The following CALU variants were observed in gnomAD, a reference collection of about 807,000 sequenced individuals.
CALU encodes calumenin.
In CALU, 13 loss-of-function variants were observed where a neutral mutation model predicts 37.5. The observed-to-expected ratio is 0.35, with a 90% CI of 0.23 to 0.55. The LOEUF (loss-of-function observed/expected upper bound fraction) is 0.55, where lower values mean the gene tolerates loss of function less well. Among genes scored for constraint, CALU ranks in the 20% least tolerant of loss-of-function variants. The probability of loss-of-function intolerance (pLI) is 0.89; values close to 1 mark genes in which losing one functional copy is unlikely to be tolerated. For synonymous variants in CALU, 114 were observed against 133.8 expected (o/e 0.85, Z 1.02); for missense variants, 282 against 391.7 (o/e 0.72, Z 2.36).
intron 2 of CALU, among the ~76,000 whole-genome samples, chr7:128,749,826 G>T (rs1470166117): frequency 1.3e-5 from 2 of 152,226 alleles, no homozygotes; most frequent in African/African-American, 4.8e-5. Flanking sequence ...TTTGAAAGTA[G>T]ATAGATATGC....
rs756414740 is a variant in CALU at position 128,769,275 on chromosome 7, A to G, written c.*108A>G. On this transcript the variant is annotated 3_prime_UTR_variant, in exon 7 of 7. Transcript: ENST00000249364. The stretch of plus-strand genomic sequence containing the variant: ...ACTGTTACTACAAACTTTTTAAGAC[A>G]TGAAAAGGCGTAATGAAAACCATCC... 4 of 613,884 alleles carry G rather than the reference A, an allele frequency of 6.5e-6. No homozygotes were observed. The highest frequency in any genetic ancestry group is 8.6e-6 in the Non-Finnish European group (3 of 349,316). 38.0% of individuals were successfully genotyped at this position (613,884 alleles called of 1,614,324 possible).
At chr7:128,763,482 G>T (rs1427980215) in intron 5 of CALU, among the ~76,000 whole-genome samples, 1 of 152,182 alleles carries the variant, frequency 6.6e-6, no homozygotes, top group African/African-American at 2.4e-5. Flanking sequence ...AGTGAGCCGA[G>T]ATCGCGCCAC....
intron 1 of CALU, among the ~76,000 whole-genome samples, chr7:128,741,913 G>A: frequency 6.6e-6 from 1 of 152,184 alleles, no homozygotes; most frequent in African/African-American, 2.4e-5. Flanking sequence ...GTGCTGGGTT[G>A]CTTTGGTTAT....
chr7:128,765,958 T>C (rs1020826973), intron 5 of CALU, among the ~76,000 whole-genome samples: 4 of 152,172 alleles, frequency 2.6e-5, no homozygotes, highest in African/African-American at 7.2e-5. Context: ...TCAAAAATTA[T>C]GGGTTTTGTT....
intron 3 of CALU, among the ~76,000 whole-genome samples, chr7:128,756,370 T>G (rs1800884097): frequency 6.6e-6 from 1 of 152,206 alleles, no homozygotes; most frequent in African/African-American, 2.4e-5. Context: ...GTAATGGGTA[T>G]TTCTGCTGCC....
At position 128,773,026 on chromosome 7, in the gene CALU, T is replaced by C. The variant is rs527925248; in HGVS notation, c.*3859T>C. ...TTCAAATTAGTTTTGAGTCTACCTC[T>C]GGGATTGAGGAAACAATACCATCTG... On this transcript the variant is annotated 3_prime_UTR_variant, in exon 7 of 7. Transcript: ENST00000249364. Among the ~76,000 whole-genome samples, 31 of 152,356 alleles carry C rather than the reference T, an allele frequency of 2.0e-4. No homozygotes were observed. Among genetic ancestry groups the C allele is most frequent in the African/African-American group, 5.8e-4 (24 of 41,582 alleles).
chr7:128,765,860 A>G (rs1392005650), intron 5 of CALU, among the ~76,000 whole-genome samples: 1 of 152,242 alleles, frequency 6.6e-6, no homozygotes, highest in Non-Finnish European at 1.5e-5. Flanking sequence ...ACATTAGTAA[A>G]TAAGTTGATG....
intron 5 of CALU, among the ~76,000 whole-genome samples, chr7:128,766,870 T>A (rs189317291): frequency 6.6e-6 from 1 of 152,276 alleles, no homozygotes; most frequent in East Asian, 1.9e-4. Flanking sequence ...AGGGCAGTTG[T>A]GAAAGGGGGG....
At chr7:128,755,299 G>A (rs1021912685) in intron 3 of CALU, among the ~76,000 whole-genome samples, 4 of 104,044 alleles carry the variant, frequency 3.8e-5, no homozygotes, top group Admixed American at 1.5e-4. Context: ...GGGACAGAGC[G>A]AGCTCTGTCC....
intron 6 of CALU, among the ~76,000 whole-genome samples, chr7:128,768,731 G>A (rs546173453): frequency 3.3e-5 from 5 of 151,734 alleles, no homozygotes; most frequent in South Asian, 4.2e-4. Flanking sequence ...CCAGCTACTC[G>A]GGAGGCTGAG....
At chr7:128,754,534 T>C in intron 3 of CALU, 79 bp downstream of exon 3, 6 of 1,573,286 alleles carry the variant, frequency 3.8e-6, no homozygotes, top group Non-Finnish European at 5.2e-6. Context: ...TGTAGAATGA[T>C]TGTAGATAAA....
rs553976542 is a variant in CALU, at chr7:128,746,673, A to G, written c.-11-1900A>G. On this transcript the variant is annotated intron_variant, in intron 1 of 6. Transcript: ENST00000249364. ...TTCGCTATCACCCAGGCTTGTCTTAAACTCCCGGATGCAAGTGATCCGCCT... is the reference window on the plus strand; with the variant it reads ...TTCGCTATCACCCAGGCTTGTCTTAGACTCCCGGATGCAAGTGATCCGCCT... 7.2e-5 allele frequency among the ~76,000 whole-genome samples: 11 copies of G among 151,950 alleles called. No homozygotes were observed. The South Asian group carries it at 2.3e-3, about 32-fold the overall frequency.
chr7:128,764,846 C>T (rs1196422895), intron 5 of CALU, among the ~76,000 whole-genome samples: 1 of 151,728 alleles, frequency 6.6e-6, no homozygotes, highest in Non-Finnish European at 1.5e-5. Flanking sequence ...TCAGTCACCA[C>T]ATGATATTGT....
chr7:128,749,122 C>T (rs1216635007), intron 2 of CALU, among the ~76,000 whole-genome samples: 1 of 152,218 alleles, frequency 6.6e-6, no homozygotes, highest in East Asian at 1.9e-4. Context: ...CATCTCTTCT[C>T]ATCTCTACTG....
chr7:128,760,098 T>C (rs1801046865), intron 5 of CALU, among the ~76,000 whole-genome samples: 1 of 152,166 alleles, frequency 6.6e-6, no homozygotes. Flanking sequence ...CTCAGGAGGC[T>C]GAGGCAGAAG....
chr7:128,739,841 A>T (rs1447246443), intron 1 of CALU, among the ~76,000 whole-genome samples: 2 of 151,784 alleles, frequency 1.3e-5, no homozygotes, highest in Non-Finnish European at 2.9e-5. Context: ...GCCTCCACTC[A>T]CCATCCTGCT....
chr7:128,743,308 C>T (rs1276393731), intron 1 of CALU, among the ~76,000 whole-genome samples: 2 of 152,098 alleles, frequency 1.3e-5, no homozygotes, highest in Non-Finnish European at 2.9e-5. Flanking sequence ...ATGATAAAAG[C>T]TCATACAGCT....
chr7:128,759,986 A>T, intron 5 of CALU, 134 bp downstream of exon 5: 1 of 572,026 alleles, frequency 1.7e-6, no homozygotes, highest in South Asian at 1.8e-5. Context: ...ACCTGAGGTC[A>T]GGAGTCCAAG....
chr7:128,761,208 CTG>C (rs1562879549), intron 5 of CALU: 2 of 151,910 alleles, frequency 1.3e-5, no homozygotes, highest in Non-Finnish European at 2.9e-5. Context: ...AAGTAAAGCT[CTG>C]TTTTATTATC....
Sources: allele counts gnomAD v4.1 joint callset (sites outside exome capture counted in the v4.1 genomes callset), GRCh38; gene constraint gnomAD v4.1.1; transcripts MANE v1.5; gene names NCBI Gene and HGNC (gene_info 2026-07-23, HGNC 2026-07-21).